Variants in OR3A2 observed in about 807,000 individuals in gnomAD.
OR3A2 encodes the protein olfactory receptor 3A2.
For missense variants in OR3A2, 318 were observed against 392.8 expected, an observed-to-expected ratio of 0.81 and a Z score of 1.61; for synonymous variants, 126 against 159.3, an observed-to-expected ratio of 0.79 and a Z score of 1.57.
At chr17:3,358,080 C>A (rs143405619) in intron 2 of OR3A2, among the ~76,000 whole-genome samples, 3 of 151,546 alleles carry the variant, frequency 2.0e-5, no homozygotes, top group Admixed American at 6.6e-5. Flanking sequence ...GTACTACTGG[C>A]AGGCTCATTG....
At chr17:3,374,633 T>C (rs938624556) in intron 2 of OR3A2, among the ~76,000 whole-genome samples, 1 of 152,210 alleles carries the variant, frequency 6.6e-6, no homozygotes, top group Admixed American at 6.5e-5. Flanking sequence ...TTTCCAGAAA[T>C]TGTGATTATC....
At chr17:3,286,202 GAT>G (rs1333835424), upstream of OR3A2, among the ~76,000 whole-genome samples, 1 of 152,176 alleles carries the variant, frequency 6.6e-6, no homozygotes, top group Non-Finnish European at 1.5e-5. Context: ...TGCTGAGAAT[GAT>G]GGTTTCCAGC....
At chr17:3,276,121 A>T (rs1200982972), downstream of OR3A2, among the ~76,000 whole-genome samples, 1 of 151,654 alleles carries the variant, frequency 6.6e-6, no homozygotes, top group Non-Finnish European at 1.5e-5. Context: ...AAAAAGAAAA[A>T]AAAAAGAATA....
intron 3 of OR3A2, among the ~76,000 whole-genome samples, chr17:3,329,186 A>T (rs1199448404): frequency 7.9e-5 from 12 of 151,560 alleles, no homozygotes; most frequent in African/African-American, 2.4e-4. Context: ...TTTGGTTGTG[A>T]CTCTGCCCGG....
At chr17:3,371,643 CCGGG>C in intron 2 of OR3A2, among the ~76,000 whole-genome samples, 1 of 127,670 alleles carries the variant, frequency 7.8e-6, no homozygotes, top group South Asian at 2.6e-4. Flanking sequence ...GTAGGGGAGG[CCGGG>C]CAGAGGCGCC....
At chr17:3,319,218 A>G (rs763562906) in intron 3 of OR3A2, among the ~76,000 whole-genome samples, 6 of 152,236 alleles carry the variant, frequency 3.9e-5, no homozygotes, top group Non-Finnish European at 5.9e-5. Context: ...CACTAACTTC[A>G]GTGTATTCCA....
rs553337371 is a variant in OR3A2, at chr17:3,280,332, C to T, written c.-6-1409G>A. ...TGTCACCCAGGCTGGAGTGCAGTGG[C>T]GCGATCTCGGCTCACTGCAAGCTCC... On this transcript the variant is annotated intron_variant, in intron 1 of 1. Transcript: ENST00000642052. Among the ~76,000 whole-genome samples, 127 of 150,682 alleles carry T rather than the reference C, an allele frequency of 8.4e-4. 1 individual carries two copies. Among genetic ancestry groups the T allele is most frequent in the African/African-American group, 3.0e-3 (122 of 40,816 alleles).
Position 3,293,811 on chromosome 17 carries a change from G to A in OR3A2, c.-84-14658C>T, listed in dbSNP as rs185935715. Among the ~76,000 whole-genome samples, 50 of 152,326 alleles carry A rather than the reference G, an allele frequency of 3.3e-4. No homozygotes were observed. In the East Asian group the frequency reaches 7.7e-3, roughly 24 times the overall value. ...ATGAGATCATGTCCTTTGCAGGGAT[G>A]TGGATGAAGCTGGAAGCCATTATCC... On this transcript the variant is annotated intron_variant, in intron 3 of 4. Transcript: ENST00000573491.
At chr17:3,314,833 T>C (rs1361063358) in intron 3 of OR3A2, among the ~76,000 whole-genome samples, 3 of 152,198 alleles carry the variant, frequency 2.0e-5, no homozygotes, top group African/African-American at 7.2e-5. Flanking sequence ...AGTTTTTTAA[T>C]CCACACCTTC....
chr17:3,281,906 T>C (rs944542740), intron 1 of OR3A2, among the ~76,000 whole-genome samples: 1 of 152,160 alleles, frequency 6.6e-6, no homozygotes, highest in Non-Finnish European at 1.5e-5. Context: ...ATTGGTTTAA[T>C]TGGTGGTACC....
At chr17:3,364,469 T>A (rs2150661036) in intron 2 of OR3A2, among the ~76,000 whole-genome samples, 1 of 152,304 alleles carries the variant, frequency 6.6e-6, no homozygotes, top group East Asian at 1.9e-4. Context: ...ATCTTGTACC[T>A]TTTGACCAAT....
intron 1 of OR3A2, chr17:3,385,788 C>G: frequency 2.5e-6 from 1 of 396,692 alleles, no homozygotes; most frequent in Non-Finnish European, 4.4e-6. Flanking sequence ...ATCCATTTAG[C>G]AAGCAGAAAT....
rs201997751 is a variant in OR3A2 at position 3,278,208 on chromosome 17, C to T, written c.710G>A (p.Arg237Gln). The T allele has an allele frequency of 6.0e-4, 969 of 1,614,228 alleles. 1 individual carries two copies. The highest frequency in any genetic ancestry group is 7.9e-4 in the Non-Finnish European group (934 of 1,180,028). The change falls in exon 2 of 2, where the codon CGA becomes CAA. Residue 237 changes from arginine (R) to glutamine (Q), a missense_variant. Transcript: ENST00000642052. ...GCCACACGTGGAGAAGGCCTTCTTT[C>T]GGCCCTCCACTGAACGGATTCGTAG... is the stretch of plus-strand genomic sequence containing the variant.
chr17:3,373,977 C>A (rs1477695801), intron 2 of OR3A2, among the ~76,000 whole-genome samples: 1 of 152,080 alleles, frequency 6.6e-6, no homozygotes, highest in African/African-American at 2.4e-5. Flanking sequence ...TTTAGCATTT[C>A]TTGTAGTGCT....
At chr17:3,332,162 C>G (rs1421170860) in intron 3 of OR3A2, among the ~76,000 whole-genome samples, 3 of 152,218 alleles carry the variant, frequency 2.0e-5, no homozygotes, top group African/African-American at 7.2e-5. Context: ...TTACTGCTGA[C>G]TTTTTGTCTG....
intron 2 of OR3A2, among the ~76,000 whole-genome samples, chr17:3,347,733 G>A (rs142140753): frequency 6.6e-6 from 1 of 152,200 alleles, no homozygotes; most frequent in Non-Finnish European, 1.5e-5. Context: ...ATAGAAGCAT[G>A]ATTTATAGTC....
At chr17:3,306,696 C>CAAAAAA (rs1555525950) in intron 3 of OR3A2, among the ~76,000 whole-genome samples, 1 of 101,964 alleles carries the variant, frequency 9.8e-6, no homozygotes, top group Non-Finnish European at 1.9e-5. Flanking sequence ...AAAAAAAAAA[C>CAAAAAA]CGTAACCCCT....
chr17:3,352,620 T>A (rs913296782), intron 2 of OR3A2, among the ~76,000 whole-genome samples: 1 of 152,076 alleles, frequency 6.6e-6, no homozygotes, highest in Non-Finnish European at 1.5e-5. Context: ...TCTGTTTCTA[T>A]GCCAGTACCA....
chr17:3,287,822 T>TCA (rs1332529759), upstream of OR3A2, among the ~76,000 whole-genome samples: 17 of 151,736 alleles, frequency 1.1e-4, no homozygotes, highest in East Asian at 3.3e-3. Context: ...TGTTTTTCTA[T>TCA]TATATATATA....
Sources: gnomAD v4.1 joint callset for allele counts (sites outside exome capture counted in the v4.1 genomes callset) on GRCh38, gnomAD v4.1.1 for gene constraint, MANE v1.5 for transcripts, NCBI Gene and HGNC (gene_info 2026-07-23, HGNC 2026-07-21) for gene names.